PID1: variants seen among roughly 807,000 people sequenced by gnomAD.
The protein encoded by PID1 is phosphotyrosine interaction domain containing 1.
A neutral mutation model predicts 19.1 loss-of-function variants in PID1; 10 were observed. That is an observed-to-expected ratio of 0.52 (90% CI 0.32 to 0.89). The LOEUF (loss-of-function observed/expected upper bound fraction) is 0.89, where lower values mean the gene tolerates loss of function less well. Ranked by LOEUF, PID1 falls within the 40% of genes least tolerant of loss-of-function variation. The probability of loss-of-function intolerance (pLI) is 0.03; values close to 1 mark genes in which losing one functional copy is unlikely to be tolerated. For synonymous variants in PID1, 130 were observed against 116.0 expected (o/e 1.12, Z -0.78); for missense variants, 248 against 285.3 (o/e 0.87, Z 0.94).
At chr2:229,253,527 G>A (rs1690208077) in intron 1 of PID1, among the ~76,000 whole-genome samples, 1 of 150,040 alleles carries the variant, frequency 6.7e-6, no homozygotes, top group South Asian at 2.1e-4. Context: ...ACGGTAAAAT[G>A]AGGATTATCT....
rs60513006 is a variant in PID1 at position 229,134,231 on chromosome 2, G to GTTTTTTTTTTTTTTTTTTTTTTTTT, written c.177+21586_177+21587insAAAAAAAAAAAAAAAAAAAAAAAAA. Among the ~76,000 whole-genome samples, 66 of 109,206 alleles carry GTTTTTTTTTTTTTTTTTTTTTTTTT rather than the reference G, an allele frequency of 6.0e-4. 4 individuals carry two copies. The highest frequency in any genetic ancestry group is 1.9e-3 in the East Asian group (6 of 3,200). The allele number at this position is 109,206 out of a possible 152,430, so 71.6% of individuals were successfully genotyped here. A position where few individuals can be genotyped will look rare whatever the true frequency, so the allele number is the denominator to read the frequency against. ...TTCAATAACAATGTTTACTACCTGT[G>GTTTTTTTTTTTTTTTTTTTTTTTTT]TTTTTTTTTTTTTTTTTTTTTGAGA... On this transcript the variant is annotated intron_variant, in intron 2 of 2. Transcript: ENST00000392055.
rs907781693 is a variant in PID1 at position 229,122,301 on chromosome 2, A to G, written c.177+33517T>C. Among the ~76,000 whole-genome samples, 3 of 152,202 alleles carry G rather than the reference A, an allele frequency of 2.0e-5. No individual in the cohort carries two copies. In the East Asian group the frequency reaches 5.8e-4, roughly 29 times the overall value. On this transcript the variant is annotated intron_variant, in intron 2 of 2. Transcript: ENST00000392055. The stretch of plus-strand genomic sequence containing the variant: ...ATGTGCCTAAAATGTTTAACTAAAT[A>G]TAGTCCATACAATATTTGGCTTAAC...
chr2:229,142,149 G>A (rs13410893), intron 2 of PID1, among the ~76,000 whole-genome samples: 7,794 of 152,102 alleles, frequency 0.051, 242 homozygotes, highest in Middle Eastern at 0.075. Flanking sequence ...AACCTGGGGC[G>A]GGGGCTGTAT....
intron 2 of PID1, among the ~76,000 whole-genome samples, chr2:229,092,726 G>GA (rs1302145151): frequency 1.3e-5 from 2 of 152,130 alleles, no homozygotes; most frequent in Non-Finnish European, 2.9e-5. Flanking sequence ...GGAGGTCCCA[G>GA]AAAACCAAAG....
intron 2 of PID1, among the ~76,000 whole-genome samples, chr2:229,139,611 C>T (rs1689969559): frequency 6.6e-6 from 1 of 152,134 alleles, no homozygotes; most frequent in South Asian, 2.1e-4. Context: ...ACAAAGAAAT[C>T]TTGATCTACG....
chr2:229,088,615 G>C (rs1048705330), intron 2 of PID1, among the ~76,000 whole-genome samples: 1 of 152,110 alleles, frequency 6.6e-6, no homozygotes, highest in Non-Finnish European at 1.5e-5. Flanking sequence ...CTATGGACCT[G>C]AAATAGAGAC....
At chr2:229,116,454 A>C (rs1574641882) in intron 2 of PID1, among the ~76,000 whole-genome samples, 2 of 151,792 alleles carry the variant, frequency 1.3e-5, no homozygotes, top group South Asian at 4.2e-4. Context: ...GTCCCCACCC[A>C]AATCTCATCT....
chr2:229,190,880 G>T (rs1347295018), intron 1 of PID1, among the ~76,000 whole-genome samples: 2 of 152,110 alleles, frequency 1.3e-5, no homozygotes, highest in African/African-American at 4.8e-5. Context: ...CACCCCCATA[G>T]AGGCAAAAAC....
intron 2 of PID1, among the ~76,000 whole-genome samples, chr2:229,074,131 G>T (rs1446350395): frequency 2.0e-5 from 3 of 152,094 alleles, no homozygotes; most frequent in Non-Finnish European, 4.4e-5. Flanking sequence ...TTGTAAAATG[G>T]CAAGTCAGAT....
At chr2:229,086,319 T>C (rs1368908360) in intron 2 of PID1, among the ~76,000 whole-genome samples, 2 of 152,118 alleles carry the variant, frequency 1.3e-5, no homozygotes, top group African/African-American at 4.8e-5. Flanking sequence ...CTCAGAACAC[T>C]TACATTAGCC....
chr2:229,027,671 C>T (rs1365546721), intron 2 of PID1, among the ~76,000 whole-genome samples: 3 of 152,086 alleles, frequency 2.0e-5, no homozygotes, highest in African/African-American at 7.2e-5. Context: ...AGGAGCCCAG[C>T]AAGTCAAGGT....
At chr2:229,208,247 A>T (rs1187088246) in intron 1 of PID1, among the ~76,000 whole-genome samples, 2 of 152,162 alleles carry the variant, frequency 1.3e-5, no homozygotes, top group Non-Finnish European at 2.9e-5. Flanking sequence ...CTGGAAACTC[A>T]GTGCATAGCT....
intron 2 of PID1, among the ~76,000 whole-genome samples, chr2:229,138,811 C>T (rs140414857): frequency 1.8e-4 from 27 of 149,516 alleles, no homozygotes; most frequent in African/African-American, 6.7e-4. Context: ...CCCATCAAAT[C>T]AAAGAACCAT....
intron 2 of PID1, among the ~76,000 whole-genome samples, chr2:229,043,682 T>G (rs1289522803): frequency 6.6e-6 from 1 of 152,170 alleles, no homozygotes; most frequent in Non-Finnish European, 1.5e-5. Context: ...GCAGTCTTAT[T>G]TTCTTATTTT....
intron 1 of PID1, among the ~76,000 whole-genome samples, chr2:229,265,231 C>A (rs146139528): frequency 6.6e-6 from 1 of 152,050 alleles, no homozygotes; most frequent in Non-Finnish European, 1.5e-5. Flanking sequence ...AGTAAGAACT[C>A]GGTTGAAACA....
intron 2 of PID1, among the ~76,000 whole-genome samples, chr2:229,044,140 T>C (rs901563758): frequency 1.3e-5 from 2 of 152,166 alleles, no homozygotes; most frequent in African/African-American, 2.4e-5. Context: ...CTCTGGATTT[T>C]CCATGTGGCT....
Position 229,168,283 on chromosome 2 carries a change from T to A in PID1, c.31-12319A>T, listed in dbSNP as rs111648559. 6.0e-3 allele frequency among the ~76,000 whole-genome samples: 918 copies of A among 152,282 alleles called. 12 individuals carry two copies. The highest frequency in any genetic ancestry group is 0.021 in the African/African-American group (874 of 41,566). On this transcript the variant is annotated intron_variant, in intron 1 of 2. Transcript: ENST00000392055. ...TCCCATTCTCTCTTCTCCTTCTGGCTTTTCAATTACATATATTTTAGACCA... is the reference window on the plus strand; with the variant it reads ...TCCCATTCTCTCTTCTCCTTCTGGCATTTCAATTACATATATTTTAGACCA...
intron 2 of PID1, among the ~76,000 whole-genome samples, chr2:229,145,151 ATG>A (rs1234541342): frequency 9.6e-6 from 1 of 103,698 alleles, no homozygotes. Context: ...AAATATATGT[ATG>A]TGTATATATA....
intron 1 of PID1, among the ~76,000 whole-genome samples, chr2:229,237,058 T>C (rs925228603): frequency 7.9e-5 from 12 of 151,762 alleles, no homozygotes; most frequent in Admixed American, 5.3e-4. Context: ...TCTAAGTATT[T>C]TGGAAATCTT....
Sources: allele counts gnomAD v4.1 joint callset (sites outside exome capture counted in the v4.1 genomes callset), GRCh38; gene constraint gnomAD v4.1.1; transcripts MANE v1.5; gene names NCBI Gene and HGNC (gene_info 2026-07-23, HGNC 2026-07-21).